The following KIF24 variants were observed in gnomAD, a reference collection of about 807,000 sequenced individuals.
KIF24 encodes kinesin family member 24.
In KIF24, 81 loss-of-function variants were observed where a neutral mutation model predicts 118.9. That is an observed-to-expected ratio of 0.68 (90% CI 0.57 to 0.82). The LOEUF (loss-of-function observed/expected upper bound fraction) is 0.82, where lower values mean the gene tolerates loss of function less well. Ranked by LOEUF, KIF24 falls within the 40% of genes least tolerant of loss-of-function variation. KIF24 has a pLI of 0.00. For missense variants in KIF24, 1,560 were observed against 1,661.6 expected, an observed-to-expected ratio of 0.94 and a Z score of 1.06; for synonymous variants, 599 against 610.0, an observed-to-expected ratio of 0.98 and a Z score of 0.27.
At chr9:34,306,612 C>T (rs1355888421) in intron 2 of KIF24, among the ~76,000 whole-genome samples, 171 bp from the exon 3 acceptor site, 1 of 152,106 alleles carries the variant, frequency 6.6e-6, no homozygotes, top group African/African-American at 2.4e-5. Context: ...ACCATCCTGG[C>T]TAACACGGTG....
chr9:34,316,814 G>C (rs1837343679), intron 1 of KIF24, among the ~76,000 whole-genome samples: 1 of 152,194 alleles, frequency 6.6e-6, no homozygotes, highest in Non-Finnish European at 1.5e-5. Context: ...GCTCATGCCT[G>C]TAATCCCAGC....
In KIF24 at chr9:34,254,382, A is replaced by G. The variant is rs1834732150; in HGVS notation, c.4105T>C (p.Ter1369GlnextTer89). 6.2e-7 allele frequency: 1 copy of G among 1,612,496 alleles called. No homozygotes were observed. The highest frequency in any genetic ancestry group is 8.5e-7 in the Non-Finnish European group (1 of 1,179,586). Reference sequence around the variant, plus strand: ...CCATCTCGGCACAGGGTCTGGCTCTAAGACGGCACTGTTCCCTCAGGGGCT... The same window carrying G: ...CCATCTCGGCACAGGGTCTGGCTCTGAGACGGCACTGTTCCCTCAGGGGCT... ...TAAPEGTVPS[*>Q] The change falls in exon 13 of 13, where the codon TAG becomes CAG. Residue 1369 changes from the stop codon to glutamine, a stop_lost. Transcript: ENST00000402558.
intron 11 of KIF24, 101 bp downstream of exon 11, chr9:34,255,634 G>A (rs1301572034): frequency 3.8e-6 from 4 of 1,051,486 alleles, no homozygotes; most frequent in East Asian, 5.2e-5. Flanking sequence ...GCTCACCTGC[G>A]TACCCCTGCA....
At chr9:34,262,669 AAAAAAAATATATATATATATATAT>A (rs1355744482) in intron 9 of KIF24, among the ~76,000 whole-genome samples, 1 of 39,928 alleles carries the variant, frequency 2.5e-5, no homozygotes, top group Non-Finnish European at 4.7e-5. Flanking sequence ...AAAAAAAAAA[AAAAAAAATATATATATATATATAT>A]ATATATATAT....
At position 34,259,659 on chromosome 9, in the gene KIF24, G is replaced by A; in HGVS notation, c.1562C>T (p.Ala521Val). ...GGCCACGTGGCTTGGTGAGATGTTG[G>A]CGATCATGCAGGTTTTGGCATTGCC... ...FIGNAKTCMIANISPSHVATE... is the reference protein window; with the variant it reads ...FIGNAKTCMIVNISPSHVATE... Residue 521 changes from alanine to valine, a missense_variant, in exon 10 of 13, where the codon GCC becomes GTC. Transcript: ENST00000402558. The A allele has an allele frequency of 6.2e-7, 1 of 1,613,956 alleles. No homozygotes were observed. The highest frequency in any genetic ancestry group is 8.5e-7 in the Non-Finnish European group (1 of 1,179,860).
chr9:34,297,253 C>T (rs1242927663), intron 3 of KIF24, 139 bp from the exon 4 acceptor site: 5 of 568,688 alleles, frequency 8.8e-6, no homozygotes, highest in Non-Finnish European at 1.3e-5. Flanking sequence ...GGTAAATAAG[C>T]AATCACTATT....
chr9:34,283,862 T>G (rs1283746255), intron 6 of KIF24, among the ~76,000 whole-genome samples: 1 of 152,172 alleles, frequency 6.6e-6, no homozygotes, highest in Non-Finnish European at 1.5e-5. Flanking sequence ...CACTCCAGAC[T>G]GGCAAAAATT....
chr9:34,262,532 C>T (rs985540161), intron 9 of KIF24, among the ~76,000 whole-genome samples: 1 of 148,282 alleles, frequency 6.7e-6, no homozygotes, highest in African/African-American at 2.5e-5. Context: ...TTTGGCCAGG[C>T]ATGGTGGCTT....
At chr9:34,270,892 C>T (rs530232051) in intron 7 of KIF24, among the ~76,000 whole-genome samples, 1 of 148,446 alleles carries the variant, frequency 6.7e-6, no homozygotes, top group Admixed American at 6.8e-5. Flanking sequence ...AATGGGGTGA[C>T]AGATGTCGCA....
intron 1 of KIF24, among the ~76,000 whole-genome samples, chr9:34,325,595 G>C (rs960036530): frequency 6.6e-6 from 1 of 151,738 alleles, no homozygotes; most frequent in African/African-American, 2.4e-5. Flanking sequence ...TCAGGAGGCT[G>C]ACATGAGAAT....
At chr9:34,320,052 C>T (rs1218133023) in intron 1 of KIF24, among the ~76,000 whole-genome samples, 3 of 152,258 alleles carry the variant, frequency 2.0e-5, no homozygotes, top group African/African-American at 7.2e-5. Flanking sequence ...TCAGCCACCT[C>T]CCCAGCTCTA....
rs570356152 is a variant in KIF24, at chr9:34,326,688, T to C, written c.-26+2418A>G. Reference sequence around the variant, plus strand: ...AACACGGACAGGTTGGCTGGCATAGTAGGTGAGAAGGAGAATAGTATGAGA... The same window carrying C: ...AACACGGACAGGTTGGCTGGCATAGCAGGTGAGAAGGAGAATAGTATGAGA... On this transcript the variant is annotated intron_variant, in intron 1 of 12. Transcript: ENST00000402558. 1.2e-4 allele frequency among the ~76,000 whole-genome samples: 19 copies of C among 152,050 alleles called. 2 individuals are homozygous for C. The South Asian group carries it at 4.0e-3, about 32-fold the overall frequency.
chr9:34,257,705 T>C lies in KIF24; in HGVS notation c.1902A>G (p.Arg634=). Reference sequence around the variant, plus strand: ...TGACCCACTCTTGTGAAGGACTCCCTCTGGAGCCACCCCTTTTACCAGAGA... The same window carrying C: ...TGACCCACTCTTGTGAAGGACTCCCCCTGGAGCCACCCCTTTTACCAGAGA... ...PKVSGKRGGS[R]GSPSQEWVIH... Residue 634 remains arginine (R), a synonymous_variant, in exon 11 of 13, where the codon AGA becomes AGG. Transcript: ENST00000402558. The C allele has an allele frequency of 6.2e-7, 1 of 1,614,024 alleles. No individual in the cohort carries two copies. The highest frequency in any genetic ancestry group is 1.1e-5 in the South Asian group (1 of 91,080).
intron 6 of KIF24, among the ~76,000 whole-genome samples, chr9:34,275,655 A>G: frequency 6.6e-6 from 1 of 151,902 alleles, no homozygotes; most frequent in African/African-American, 2.4e-5. Flanking sequence ...CCTGGCTAAC[A>G]TGGTGAAACC....
At chr9:34,316,935 C>T (rs187130205) in intron 1 of KIF24, among the ~76,000 whole-genome samples, 27 of 151,970 alleles carry the variant, frequency 1.8e-4, no homozygotes, top group Admixed American at 1.2e-3. Context: ...GGCCGGGCGG[C>T]TGAGCACGGT....
chr9:34,259,492 TGCACTTGCACACACACACGCGTGC>T, intron 10 of KIF24, 80 bp downstream of exon 10: 1 of 800,510 alleles, frequency 1.2e-6, no homozygotes, highest in Non-Finnish European at 2.1e-6. Flanking sequence ...GACATGTGCA[TGCACTTGCACACACACACGCGTGC>T]ACACATGCTC....
At position 34,318,427 on chromosome 9, in the gene KIF24, C is replaced by A; in HGVS notation, c.-25-7056G>T. ...CCACGCGCTCCCTCCTGCTCCTCAG[C>A]GCCTTCTGCCTCCTGGCGGTGGCCT... On this transcript the variant is annotated intron_variant, in intron 1 of 12. Transcript: ENST00000402558. This position sits in a 1 kb window ranked among gnomAD's most constrained non-coding sequence, Gnocchi z 4.9. 1 of 708,158 alleles carries A rather than the reference C, an allele frequency of 1.4e-6. No homozygotes were observed. The highest frequency in any genetic ancestry group is 1.5e-5 in the South Asian group (1 of 67,762). The allele number at this position is 708,158 out of a possible 1,614,324, so 43.9% of individuals were successfully genotyped here.
In KIF24 at chr9:34,306,351, T is replaced by C. The variant is rs779342687; in HGVS notation, c.714A>G (p.Val238=). The C allele has an allele frequency of 1.9e-6, 3 of 1,610,738 alleles. No homozygotes were observed. Among genetic ancestry groups the C allele is most frequent in the Admixed American group, 3.3e-5 (2 of 59,980 alleles). Residue 238 remains valine (V), a synonymous_variant, in exon 3 of 13, where the codon GTA becomes GTG. Transcript: ENST00000402558. ...VRKRPLGMRE[V]RRGEINIITV... ...TAATAATATTAATTTCTCCACGACG[T>C]ACCTCCCTCATGCCCAGGGGGCGTT...
At position 34,308,476 on chromosome 9, in the gene KIF24, G is replaced by T. The variant is rs573035275; in HGVS notation, c.624-2035C>A. On this transcript the variant is annotated intron_variant, in intron 2 of 12. Coordinates refer to ENST00000402558, the MANE Select transcript of KIF24 (RefSeq NM_194313.4). ...TTTTTGTATTTTTAGTAGAGATGGG[G>T]TTTAGCCATGTTGGCCAGGCTGACC... 2.0e-5 allele frequency among the ~76,000 whole-genome samples: 3 copies of T among 152,064 alleles called. No homozygotes were observed. In the South Asian group the frequency reaches 6.2e-4, roughly 32 times the overall value.
Sources: gnomAD v4.1 joint callset for allele counts (sites outside exome capture counted in the v4.1 genomes callset) on GRCh38, gnomAD v4.1.1 for gene constraint, Gnocchi (gnomAD v3.1) non-coding constraint, MANE v1.5 for transcripts, NCBI Gene and HGNC (gene_info 2026-07-23, HGNC 2026-07-21) for gene names.